SYNE1: variants seen among roughly 807,000 people sequenced by gnomAD.
SYNE1 encodes the protein nesprin-1.
SYNE1 carries 616 observed loss-of-function variants against 1,111.0 expected under a neutral mutation model. That is an observed-to-expected ratio of 0.55 (90% CI 0.52 to 0.59). The LOEUF (loss-of-function observed/expected upper bound fraction) is 0.59. SYNE1 is among the 20% of genes least tolerant of loss of function. SYNE1 has a pLI of 0.00. For synonymous variants in SYNE1, 3,855 were observed against 3,825.8 expected, an observed-to-expected ratio of 1.01 and a Z score of -0.28; for missense variants, 10,006 against 10,417.0, an observed-to-expected ratio of 0.96 and a Z score of 1.72.
At chr6:152,549,662 G>A (rs2099330467) in intron 3 of SYNE1, among the ~76,000 whole-genome samples, 1 of 152,236 alleles carries the variant, frequency 6.6e-6, no homozygotes, top group Non-Finnish European at 1.5e-5. Flanking sequence ...GACGAGAAGA[G>A]AGAAAATTAA....
chr6:152,153,744 A>T (rs756192976), intron 133 of SYNE1, among the ~76,000 whole-genome samples: 15 of 152,190 alleles, frequency 9.9e-5, no homozygotes, highest in Non-Finnish European at 1.5e-5. Context: ...TATAGGAATA[A>T]AAGTGTTGTT....
chr6:152,325,346 G>A (rs773721341), intron 80 of SYNE1, 44 bp from the exon 81 acceptor site: 2 of 1,588,118 alleles, frequency 1.3e-6, no homozygotes, highest in South Asian at 1.1e-5. Context: ...ACAAGGGAGA[G>A]ATCAATTTAA....
intron 130 of SYNE1, among the ~76,000 whole-genome samples, chr6:152,175,467 T>C (rs989242235): frequency 6.6e-5 from 10 of 152,214 alleles, no homozygotes; most frequent in Non-Finnish European, 1.5e-5. Context: ...TAAAAGCGTA[T>C]TGTGGGATGG....
intron 111 of SYNE1, 122 bp from the exon 112 acceptor site, chr6:152,234,085 C>T (rs910569115): frequency 9.4e-7 from 1 of 1,068,970 alleles, no homozygotes; most frequent in East Asian, 2.6e-5. Context: ...ATGCTGAACA[C>T]TCAAAAGAAA....
rs142253083 is a variant in SYNE1, at chr6:152,527,061, C to A, written c.130-886G>T. 2.0e-3 allele frequency among the ~76,000 whole-genome samples: 302 copies of A among 152,274 alleles called. 1 individual carries two copies. Among genetic ancestry groups the A allele is most frequent in the African/African-American group, 6.8e-3 (283 of 41,552 alleles). ...TATCACAGAATCAGAATTTGTTTTC[C>A]ATTTAGCATCTGAATTCAAACTTTA... On this transcript the variant is annotated intron_variant, in intron 4 of 145. Coordinates refer to ENST00000367255, the MANE Select transcript of SYNE1 (RefSeq NM_182961.4).
chr6:152,548,572 G>T (rs909225051), intron 3 of SYNE1, among the ~76,000 whole-genome samples: 7 of 152,166 alleles, frequency 4.6e-5, no homozygotes, highest in African/African-American at 1.7e-4. Context: ...TTCACCTGAG[G>T]AACCTCATCT....
At chr6:152,519,425 C>T (rs2099128116) in intron 6 of SYNE1, among the ~76,000 whole-genome samples, 1 of 152,040 alleles carries the variant, frequency 6.6e-6, no homozygotes, top group African/African-American at 2.4e-5. Flanking sequence ...CAGGTGCAAG[C>T]CTGAAGGAGC....
intron 8 of SYNE1, among the ~76,000 whole-genome samples, chr6:152,506,062 T>TAAA (rs2099056640): frequency 1.3e-5 from 2 of 152,228 alleles, no homozygotes; most frequent in African/African-American, 2.4e-5. Flanking sequence ...TTTTGGTAAT[T>TAAA]GTCTTGAGGG....
chr6:152,334,823 C>G (rs1376646035), intron 76 of SYNE1, among the ~76,000 whole-genome samples: 2 of 152,148 alleles, frequency 1.3e-5, no homozygotes, highest in African/African-American at 4.8e-5. Context: ...GAATGCAGCC[C>G]AGCAGGTCTC....
rs560272693 is a variant in SYNE1, at chr6:152,575,355, A to G, written c.68-35334T>C. Among the ~76,000 whole-genome samples, 5 of 152,312 alleles carry G rather than the reference A, an allele frequency of 3.3e-5. No individual in the cohort carries two copies. The South Asian group carries it at 6.2e-4, about 19-fold the overall frequency. On this transcript the variant is annotated intron_variant, in intron 3 of 145. Coordinates refer to ENST00000367255, the MANE Select transcript of SYNE1 (RefSeq NM_182961.4). ...CATGGACGAATGACATCAGAATGCA[A>G]TGCTCACTAGAGATGGAGCTTCCTG...
At chr6:152,355,099 T>G (rs2154051560) in intron 66 of SYNE1, 123 bp from the exon 67 acceptor site, 1 of 1,038,476 alleles carries the variant, frequency 9.6e-7, no homozygotes, top group East Asian at 2.5e-5. Flanking sequence ...GATTTTATTA[T>G]TATGCCCTAT....
chr6:152,270,711 G>C (rs1362398389), intron 98 of SYNE1, among the ~76,000 whole-genome samples: 1 of 152,186 alleles, frequency 6.6e-6, no homozygotes, highest in African/African-American at 2.4e-5. Context: ...GCCAGATGAG[G>C]GCCCTGGTGG....
chr6:152,188,984 A>AATATATATATATATATATATATAT (rs1190850842), intron 128 of SYNE1, among the ~76,000 whole-genome samples: 1 of 22,998 alleles, frequency 4.3e-5, no homozygotes, highest in African/African-American at 1.4e-4. Context: ...AAAAAAAAAA[A>AATATATATATATATATATATATAT]ATATATATAT....
chr6:152,597,183 A>G (rs1427305959), intron 3 of SYNE1, among the ~76,000 whole-genome samples: 1 of 152,364 alleles, frequency 6.6e-6, no homozygotes, highest in East Asian at 1.9e-4. Flanking sequence ...ATGTTTTCCC[A>G]TTGAGCATAT....
intron 8 of SYNE1, among the ~76,000 whole-genome samples, chr6:152,509,258 T>A (rs2154336621): frequency 6.9e-6 from 1 of 144,726 alleles, no homozygotes; most frequent in South Asian, 2.2e-4. Context: ...CTTTTTTTTT[T>A]TTTTTTTTTT....
intron 81 of SYNE1, among the ~76,000 whole-genome samples, chr6:152,324,686 C>G (rs1367415808): frequency 6.6e-6 from 1 of 151,206 alleles, no homozygotes; most frequent in Non-Finnish European, 1.5e-5. Flanking sequence ...CCCAGCTACT[C>G]GCTACTCGGG....
In SYNE1 at chr6:152,359,394, C is replaced by T. The variant is rs2096893954; in HGVS notation, c.10364G>A (p.Gly3455Asp). ...CTGGGTGACATAGTGTTCTGTCATG[C>T]CAGCCCCTTTGACTTCGATGGTCTC... The part of the protein sequence containing the change: ...LLETIEVKGA[G>D]MTEHYVTQLE... Residue 3455 changes from glycine (G) to aspartate (D), a missense_variant, in exon 65 of 146, where the codon GGC (glycine) becomes GAC (aspartate). Gly to Asp is a moderately conservative substitution (Grantham distance 94). Around this residue, in one of 7 missense-constraint regions of SYNE1, gnomAD observed 4,955 missense variants for 5,017.2 expected, o/e 0.99. Coordinates refer to ENST00000367255, the MANE Select transcript of SYNE1 (RefSeq NM_182961.4). 1.9e-6 allele frequency: 3 copies of T among 1,614,176 alleles called. No homozygotes were observed. Among genetic ancestry groups the T allele is most frequent in the South Asian group, 1.1e-5 (1 of 91,084 alleles).
Position 152,331,020 on chromosome 6 carries a change from T to G in SYNE1, c.13665A>C (p.Gln4555His). The change falls in exon 78 of 146, where the codon CAA becomes CAC. Residue 4555 changes from glutamine (Q) to histidine (H), a missense_variant. Gln to His is a conservative substitution (Grantham distance 24). Transcript: ENST00000367255. ...TAGAAACCAAATTCTTCTCTAGTTC[T>G]TGTAACCGGTGACTGCACTTTTGTA... The part of the protein sequence containing the change: ...SVLQKCSHRL[Q>H]ELEKNLVSRK... The G allele has an allele frequency of 6.2e-7, 1 of 1,614,204 alleles. No individual in the cohort carries two copies. Among genetic ancestry groups the G allele is most frequent in the Non-Finnish European group, 8.5e-7 (1 of 1,180,042 alleles).
intron 11 of SYNE1, among the ~76,000 whole-genome samples, chr6:152,497,187 T>C (rs772907352): frequency 1.3e-5 from 2 of 152,186 alleles, no homozygotes; most frequent in Non-Finnish European, 1.5e-5. Context: ...TGTATCTTTT[T>C]AATCTCCATC....
Sources: allele counts gnomAD v4.1 joint callset (sites outside exome capture counted in the v4.1 genomes callset), GRCh38; gene constraint gnomAD v4.1.1; regional missense constraint gnomAD v4.1.1; transcripts MANE v1.5; gene names NCBI Gene and HGNC (gene_info 2026-07-23, HGNC 2026-07-21).